Variants in PGM3 observed in about 807,000 individuals in gnomAD.
PGM3 encodes phosphoacetylglucosamine mutase.
A neutral mutation model predicts 66.2 loss-of-function variants in PGM3; 40 were observed. The observed-to-expected ratio is 0.60, with a 90% CI of 0.47 to 0.79. PGM3 has a LOEUF of 0.79. Ranked by LOEUF, PGM3 falls within the 30% of genes least tolerant of loss-of-function variation. The pLI is 0.00. For synonymous variants in PGM3, 191 were observed against 224.2 expected, an observed-to-expected ratio of 0.85 and a Z score of 1.32; for missense variants, 537 against 643.4, an observed-to-expected ratio of 0.83 and a Z score of 1.79.
At chr6:83,183,664 C>CCA (rs1393506269) in intron 4 of PGM3, among the ~76,000 whole-genome samples, 2 of 152,156 alleles carry the variant, frequency 1.3e-5, no homozygotes, top group African/African-American at 2.4e-5. Flanking sequence ...TTACCAAGCA[C>CCA]AGGCCCTTGC....
At position 83,166,463 on chromosome 6, in the gene PGM3, T is replaced by C. The variant is rs1246832030; in HGVS notation, c.*2771A>G. On this transcript the variant is annotated 3_prime_UTR_variant, in exon 13 of 13. Coordinates refer to ENST00000513973, the MANE Select transcript of PGM3 (RefSeq NM_015599.3). ...GTTGTGTGTTGTCTCTGCTGCTTTATAACCTATTTTGAACTCAGAAAATCG... is the reference window on the plus strand; with the variant it reads ...GTTGTGTGTTGTCTCTGCTGCTTTACAACCTATTTTGAACTCAGAAAATCG... 1 of 701,348 alleles carries C rather than the reference T, an allele frequency of 1.4e-6. No homozygotes were observed. Among genetic ancestry groups the C allele is most frequent in the South Asian group, 1.5e-5 (1 of 67,112 alleles). The allele number at this position is 701,348 out of a possible 1,614,324, so 43.4% of individuals were successfully genotyped here.
chr6:83,178,604 G>A lies in PGM3; in HGVS notation c.1029+69C>T, dbSNP rs1787947388. ...ACTACAACATAATCACTTTTATGAG[G>A]GCAGTATCTTTCTCACAGAAACATG... On this transcript the variant is annotated intron_variant, in intron 8 of 12. Coordinates refer to ENST00000513973, the MANE Select transcript of PGM3 (RefSeq NM_015599.3). The A allele has an allele frequency of 9.5e-6, 8 of 842,412 alleles. No individual in the cohort carries two copies. In the South Asian group the frequency reaches 1.1e-4, roughly 11 times the overall value. 52.2% of individuals were successfully genotyped at this position (842,412 alleles called of 1,614,324 possible). A position where few individuals can be genotyped will look rare whatever the true frequency, so the allele number is the denominator to read the frequency against.
downstream of PGM3, among the ~76,000 whole-genome samples, chr6:83,161,498 G>A (rs891050754): frequency 6.6e-6 from 1 of 152,062 alleles, no homozygotes; most frequent in Non-Finnish European, 1.5e-5. Context: ...AGATATTTTC[G>A]ATGTATATGA....
intron 4 of PGM3, among the ~76,000 whole-genome samples, chr6:83,183,859 G>A (rs1788379801): frequency 6.6e-6 from 1 of 151,994 alleles, no homozygotes; most frequent in Non-Finnish European, 1.5e-5. Context: ...GAGATTACAG[G>A]CACCCACCAC....
At chr6:83,159,704 A>T (rs746927310), downstream of PGM3, 1 of 1,388,704 alleles carries the variant, frequency 7.2e-7, no homozygotes, top group East Asian at 2.3e-5. Context: ...CAGGATGATT[A>T]TGAAAAATAT....
chr6:83,152,211 TACAC>T, the PGM3 span: 155,918 of 697,188 alleles, frequency 0.22, 18,428 homozygotes, highest in Admixed American at 0.24. Context: ...ATAAAAATAA[TACAC>T]ACACACACAC....
In PGM3 at chr6:83,178,857, A is replaced by C. The variant is rs1198515194; in HGVS notation, c.946-101T>G. On this transcript the variant is annotated intron_variant, in intron 7 of 12. Coordinates refer to ENST00000513973, the MANE Select transcript of PGM3 (RefSeq NM_015599.3). ...GGCTACCAAAATTATCAGCCAGTTCAGTTGTGCCTTAGTTTATGCCAAAAA... is the reference window on the plus strand; with the variant it reads ...GGCTACCAAAATTATCAGCCAGTTCCGTTGTGCCTTAGTTTATGCCAAAAA... The C allele has an allele frequency of 1.1e-5, 8 of 750,358 alleles. No homozygotes were observed. The East Asian group carries it at 2.0e-4, about 19-fold the overall frequency. The allele number at this position is 750,358 out of a possible 1,614,324, so 46.5% of individuals were successfully genotyped here. A position where few individuals can be genotyped will look rare whatever the true frequency, so the allele number is the denominator to read the frequency against.
the PGM3 span, chr6:83,152,336 A>G: frequency 1.9e-6 from 3 of 1,560,592 alleles, no homozygotes; most frequent in Middle Eastern, 1.7e-4. Flanking sequence ...CCTTCTGTAT[A>G]TAGTGTCCAT....
At chr6:83,183,363 A>T (rs541087664) in intron 4 of PGM3, among the ~76,000 whole-genome samples, 1 of 152,318 alleles carries the variant, frequency 6.6e-6, no homozygotes, top group African/African-American at 2.4e-5. Context: ...AGGCCAAAAC[A>T]TACCCGAAGG....
intron 11 of PGM3, chr6:83,171,342 T>C (rs1048401592): frequency 6.6e-6 from 1 of 152,218 alleles, no homozygotes; most frequent in African/African-American, 2.4e-5. Flanking sequence ...ATAAAATCTC[T>C]TTAAAAAAGT....
At chr6:83,173,798 G>A (rs973594323) in intron 10 of PGM3, among the ~76,000 whole-genome samples, 3 of 152,106 alleles carry the variant, frequency 2.0e-5, no homozygotes, top group African/African-American at 2.4e-5. Context: ...GTGCAGTGGC[G>A]TGATCTTGGC....
chr6:83,157,463 T>A, downstream of PGM3: 1 of 862,106 alleles, frequency 1.2e-6, no homozygotes, highest in Non-Finnish European at 1.8e-6. Flanking sequence ...CAGTTGAAAA[T>A]AGTAAAACAA....
At chr6:83,174,584 A>G in intron 9 of PGM3, 97 bp from the exon 10 acceptor site, 1 of 579,544 alleles carries the variant, frequency 1.7e-6, no homozygotes, top group Non-Finnish European at 2.9e-6. Flanking sequence ...CTCCTAGTCA[A>G]TCTGGAGAAA....
chr6:83,159,738 C>T, downstream of PGM3: 1 of 1,592,826 alleles, frequency 6.3e-7, no homozygotes, highest in Non-Finnish European at 8.6e-7. Context: ...TAGATCTTTC[C>T]AGGAATTCCT....
chr6:83,159,011 A>G (rs1752374142), downstream of PGM3, among the ~76,000 whole-genome samples: 1 of 152,180 alleles, frequency 6.6e-6, no homozygotes, highest in Non-Finnish European at 1.5e-5. Flanking sequence ...AATTTAATAT[A>G]CTTTTATTCT....
chr6:83,167,739 T>TA lies in PGM3; in HGVS notation c.*1494dup, dbSNP rs1786134319. 7.6e-6 allele frequency: 11 copies of TA among 1,447,408 alleles called. No individual in the cohort carries two copies. The highest frequency in any genetic ancestry group is 1.0e-5 in the Non-Finnish European group (11 of 1,101,736). 89.7% of individuals were successfully genotyped at this position (1,447,408 alleles called of 1,614,324 possible). ...CAAGGGTTTTGATCAGGTCAGGAGT[T>TA]AGAAACTTAATGTCATTTGTATTCA... On this transcript the variant is annotated 3_prime_UTR_variant, in exon 13 of 13. Coordinates refer to ENST00000513973, the MANE Select transcript of PGM3 (RefSeq NM_015599.3).
rs1785372646 is a variant in PGM3, at chr6:83,165,828, C to T, written c.*3406G>A. 3.2e-6 allele frequency: 1 copy of T among 316,020 alleles called. No individual in the cohort carries two copies. Among genetic ancestry groups the T allele is most frequent in the South Asian group, 2.9e-5 (1 of 34,050 alleles). 19.6% of individuals were successfully genotyped at this position (316,020 alleles called of 1,614,324 possible). ...ATTGGGCCCTTTCTGGTGGCCAATG[C>T]CGGCTGCAGGCATTGCAGTTTTTGG... On this transcript the variant is annotated 3_prime_UTR_variant, in exon 13 of 13. Transcript: ENST00000513973.
At chr6:83,157,285 T>TA, downstream of PGM3, 1 of 1,613,962 alleles carries the variant, frequency 6.2e-7, no homozygotes, top group Non-Finnish European at 8.5e-7. Flanking sequence ...CCCAACATCT[T>TA]ACCTCACTCT....
downstream of PGM3, among the ~76,000 whole-genome samples, chr6:83,164,030 C>A (rs1429262080): frequency 6.7e-6 from 1 of 150,360 alleles, no homozygotes; most frequent in Non-Finnish European, 1.5e-5. Flanking sequence ...GTCAAATTTT[C>A]TTTTACATTC....
Sources: gnomAD v4.1 joint callset for allele counts (sites outside exome capture counted in the v4.1 genomes callset) on GRCh38, gnomAD v4.1.1 for gene constraint, MANE v1.5 for transcripts, NCBI Gene and HGNC (gene_info 2026-07-23, HGNC 2026-07-21) for gene names.